CXXC5: variants seen among roughly 807,000 people sequenced by gnomAD.
CXXC5 encodes the protein CXXC finger protein 5.
CXXC5 carries 2 observed loss-of-function variants against 17.6 expected under a neutral mutation model. The ratio of observed to expected loss-of-function variants is 0.11; its 90% confidence interval spans 0.05 to 0.36. CXXC5 has a LOEUF of 0.36. Among genes scored for constraint, CXXC5 ranks in the 10% least tolerant of loss-of-function variants. The pLI, the probability that CXXC5 is intolerant of heterozygous loss-of-function variation, is 1.00. For missense variants in CXXC5, 343 were observed against 458.3 expected (o/e 0.75, Z 2.30); for synonymous variants, 171 against 193.0 (o/e 0.89, Z 0.94).
intron 1 of CXXC5, among the ~76,000 whole-genome samples, chr5:139,662,975 T>C (rs1755907340): frequency 6.6e-6 from 1 of 152,216 alleles, no homozygotes; most frequent in Non-Finnish European, 1.5e-5. Flanking sequence ...CCCCTCCACC[T>C]GCTCCACTAG....
At chr5:139,666,639 G>T (rs1756128585) in intron 1 of CXXC5, among the ~76,000 whole-genome samples, 1 of 152,240 alleles carries the variant, frequency 6.6e-6, no homozygotes, top group South Asian at 2.1e-4. Flanking sequence ...GTGGCCTTGG[G>T]CAGGTCCCTT....
intron 1 of CXXC5, among the ~76,000 whole-genome samples, chr5:139,675,116 G>A (rs906044617): frequency 6.6e-6 from 1 of 152,218 alleles, no homozygotes; most frequent in Non-Finnish European, 1.5e-5. Flanking sequence ...CTGGAAGGCA[G>A]TGCTGGGGTC....
chr5:139,664,489 C>A (rs533826876), intron 1 of CXXC5, among the ~76,000 whole-genome samples: 1 of 152,168 alleles, frequency 6.6e-6, no homozygotes, highest in Non-Finnish European at 1.5e-5. Context: ...TAGCACCAGG[C>A]GCTGCATGGC....
chr5:139,677,724 TGAA>T (rs1292487136), intron 1 of CXXC5, among the ~76,000 whole-genome samples: 1 of 152,124 alleles, frequency 6.6e-6, no homozygotes, highest in Non-Finnish European at 1.5e-5. Flanking sequence ...GGGTGGGCCC[TGAA>T]GAAGGATAGA....
At chr5:139,656,192 A>G (rs1294035804) in intron 1 of CXXC5, among the ~76,000 whole-genome samples, 1 of 152,352 alleles carries the variant, frequency 6.6e-6, no homozygotes, top group Non-Finnish European at 1.5e-5. Context: ...AGCGGCCCCT[A>G]CACACCCAAG....
chr5:139,649,279 C>G (rs1287889126), intron 1 of CXXC5: 1 of 152,158 alleles, frequency 6.6e-6, no homozygotes, highest in African/African-American at 2.4e-5. Context: ...CCGCCCCCCT[C>G]CCCCCCACTA....
chr5:139,664,409 C>G (rs556655369), intron 1 of CXXC5, among the ~76,000 whole-genome samples: 1 of 152,288 alleles, frequency 6.6e-6, no homozygotes, highest in East Asian at 1.9e-4. Flanking sequence ...TGCCCTTGAG[C>G]TGGCACTTCC....
chr5:139,681,583 G>GGA, intron 2 of CXXC5, 136 bp downstream of exon 2: 2 of 1,113,574 alleles, frequency 1.8e-6, no homozygotes, highest in Non-Finnish European at 2.5e-6. Flanking sequence ...TTGGGGCCTG[G>GGA]GGGTCTGGCT....
Position 139,668,056 on chromosome 5 carries a change from ATCCCT to A in CXXC5, c.-160-12304_-160-12300del, listed in dbSNP as rs2126784266. Among the ~76,000 whole-genome samples, 1 of 151,812 alleles carries A rather than the reference ATCCCT, an allele frequency of 6.6e-6. No homozygotes were observed. The highest frequency in any genetic ancestry group is 1.9e-4 in the East Asian group (1 of 5,132). ...TGCCCGAGGCCTCCCAGCCCCTCTC[ATCCCT>A]TCCTGGGCTGGGCCTGCGGCACCCT... On this transcript the variant is annotated intron_variant, in intron 1 of 2. Transcript: ENST00000302517. The surrounding 1 kb of genome is among the most constrained non-coding windows in gnomAD (Gnocchi z 4.1).
chr5:139,662,551 C>T (rs1202626756), intron 1 of CXXC5, among the ~76,000 whole-genome samples: 2 of 152,178 alleles, frequency 1.3e-5, no homozygotes, highest in Non-Finnish European at 2.9e-5. Flanking sequence ...TCATTCTGGG[C>T]CTACAGTACT....
In CXXC5 at chr5:139,680,589, C is replaced by T. The variant is rs200897692; in HGVS notation, c.66C>T (p.Ser22=). 11 of 1,604,122 alleles carry T rather than the reference C, an allele frequency of 6.9e-6. No individual in the cohort carries two copies. In the African/African-American group the frequency reaches 9.4e-5, roughly 14 times the overall value. ...GTAGCAGCAGCAGCACCAATGGCAG[C>T]GGTGGCAGTGGCAGCAGTGGCCCAA... ...GGSSSSSTNG[S]GGSGSSGPKA... The change falls in exon 2 of 3, where the codon AGC becomes AGT. Residue 22 remains serine, a synonymous_variant. Coordinates refer to ENST00000302517, the MANE Select transcript of CXXC5 (RefSeq NM_016463.9).
At chr5:139,659,318 G>T (rs1755655223) in intron 1 of CXXC5, among the ~76,000 whole-genome samples, 1 of 152,166 alleles carries the variant, frequency 6.6e-6, no homozygotes, top group Non-Finnish European at 1.5e-5. Context: ...CCCAGCTGTT[G>T]TCAGGAAGTG....
intron 1 of CXXC5, among the ~76,000 whole-genome samples, chr5:139,655,780 C>T (rs570698558): frequency 2.0e-5 from 3 of 151,580 alleles, no homozygotes; most frequent in East Asian, 2.0e-4. Flanking sequence ...GCCGGCCGGC[C>T]GTGAGAGCTG....
intron 1 of CXXC5, among the ~76,000 whole-genome samples, chr5:139,672,262 C>T (rs1756517835): frequency 6.6e-6 from 1 of 152,210 alleles, no homozygotes; most frequent in Admixed American, 6.5e-5. Context: ...GGATTACAGG[C>T]ATGCACCACC....
chr5:139,678,503 G>T (rs1410637781), intron 1 of CXXC5, among the ~76,000 whole-genome samples: 1 of 152,158 alleles, frequency 6.6e-6, no homozygotes, highest in Non-Finnish European at 1.5e-5. Context: ...TAGGTGGTCT[G>T]GTGCCCACTG....
At chr5:139,656,243 A>G (rs1475911495) in intron 1 of CXXC5, among the ~76,000 whole-genome samples, 1 of 152,222 alleles carries the variant, frequency 6.6e-6, no homozygotes, top group Non-Finnish European at 1.5e-5. Flanking sequence ...GGCCAGAACT[A>G]TGCAAAGCAT....
intron 1 of CXXC5, among the ~76,000 whole-genome samples, chr5:139,653,169 T>C (rs1269998330): frequency 6.6e-6 from 1 of 152,220 alleles, no homozygotes; most frequent in African/African-American, 2.4e-5. Context: ...AGCCTCCCCG[T>C]CTGCCTGCCT....
intron 1 of CXXC5, among the ~76,000 whole-genome samples, chr5:139,654,245 T>G (rs577174844): frequency 6.6e-6 from 1 of 152,320 alleles, no homozygotes; most frequent in African/African-American, 2.4e-5. Context: ...TGAGCTCCAC[T>G]GCTACCGGCT....
In CXXC5 at chr5:139,681,271, G is replaced by A. The variant is rs1434979983; in HGVS notation, c.748G>A (p.Ala250Thr). 1.9e-6 allele frequency: 3 copies of A among 1,612,518 alleles called. No individual in the cohort carries two copies. Among genetic ancestry groups the A allele is most frequent in the Non-Finnish European group, 2.5e-6 (3 of 1,179,896 alleles). ...LAEYPMQGEL[A>T]SAISSGKKKR... ...TGAGTACCCCATGCAGGGAGAGCTG[G>A]CCTCTGCCATCAGCTCCGGCAAGAA... Residue 250 changes from alanine to threonine, a missense_variant, in exon 2 of 3, where the codon GCC (alanine) becomes ACC (threonine). Around this residue, in one of 4 missense-constraint regions of CXXC5, gnomAD observed 297 missense variants for 363.4 expected, o/e 0.82. Coordinates refer to ENST00000302517, the MANE Select transcript of CXXC5 (RefSeq NM_016463.9).
Sources: gnomAD v4.1 joint callset for allele counts (sites outside exome capture counted in the v4.1 genomes callset) on GRCh38, gnomAD v4.1.1 for gene constraint, gnomAD v4.1.1 regional missense constraint, Gnocchi (gnomAD v3.1) non-coding constraint, MANE v1.5 for transcripts, NCBI Gene and HGNC (gene_info 2026-07-23, HGNC 2026-07-21) for gene names.